TCF7L2: variants seen among roughly 807,000 people sequenced by gnomAD.
The protein encoded by TCF7L2 is transcription factor 7-like 2.
A neutral mutation model predicts 77.9 loss-of-function variants in TCF7L2; 23 were observed. The observed-to-expected ratio is 0.30, with a 90% CI of 0.21 to 0.42. The LOEUF (loss-of-function observed/expected upper bound fraction) is 0.42, where lower values mean the gene tolerates loss of function less well. TCF7L2 is among the 10% of genes least tolerant of loss of function. The pLI, the probability that TCF7L2 is intolerant of heterozygous loss-of-function variation, is 1.00. For synonymous variants in TCF7L2, 413 were observed against 340.2 expected (o/e 1.21, Z -2.36); for missense variants, 654 against 793.1 (o/e 0.82, Z 2.11).
chr10:112,953,285 G>A (rs998991448), intron 3 of TCF7L2, among the ~76,000 whole-genome samples: 6 of 152,154 alleles, frequency 3.9e-5, no homozygotes, highest in African/African-American at 1.4e-4. Context: ...TGCTTGGGAA[G>A]CTGGGAGAGC....
At chr10:113,066,365 C>CAAA (rs34941771) in intron 5 of TCF7L2, among the ~76,000 whole-genome samples, 3 of 118,158 alleles carry the variant, frequency 2.5e-5, no homozygotes, top group Non-Finnish European at 5.5e-5. Flanking sequence ...AAGTCCGTCT[C>CAAA]AAAAAAAAAA....
chr10:113,087,239 T>C (rs2059929168), intron 5 of TCF7L2, among the ~76,000 whole-genome samples: 1 of 152,184 alleles, frequency 6.6e-6, no homozygotes, highest in Non-Finnish European at 1.5e-5. Flanking sequence ...GTAAAGGCCA[T>C]GAGGAAATGC....
chr10:113,041,557 GA>G, intron 5 of TCF7L2, among the ~76,000 whole-genome samples: 1 of 152,288 alleles, frequency 6.6e-6, no homozygotes, highest in South Asian at 2.1e-4. Context: ...TACAGGAGGT[GA>G]AAATAACTGC....
intron 5 of TCF7L2, among the ~76,000 whole-genome samples, chr10:113,065,958 G>A (rs1416717916): frequency 1.3e-5 from 2 of 152,174 alleles, no homozygotes; most frequent in Non-Finnish European, 2.9e-5. Flanking sequence ...TATTTGGTTT[G>A]TGTCCGTGCA....
Position 113,052,631 on chromosome 10 carries a change from T to C in TCF7L2, c.552+12505T>C, listed in dbSNP as rs145268919. On this transcript the variant is annotated intron_variant, in intron 5 of 13. Transcript: ENST00000627217. ...CTGGACTGTGGCTCAGCTGGCCTGA[T>C]GTATCCCACTTTGTTCCTCCCATGG... Among the ~76,000 whole-genome samples the C allele has an allele frequency of 2.8e-3, 424 of 152,362 alleles. 7 individuals are homozygous for C. Among genetic ancestry groups the C allele is most frequent in the Admixed American group, 8.9e-3 (136 of 15,304 alleles).
At chr10:112,969,691 G>A (rs961492090) in intron 4 of TCF7L2, among the ~76,000 whole-genome samples, 2 of 152,160 alleles carry the variant, frequency 1.3e-5, no homozygotes, top group African/African-American at 4.8e-5. Context: ...CCCAAGCTCC[G>A]GTGCAGGCCC....
intron 4 of TCF7L2, among the ~76,000 whole-genome samples, chr10:113,011,864 TATTGCTACCTTGAGTATTGCTGTTGAGC>T (rs1564782103): frequency 1.3e-5 from 2 of 151,984 alleles, no homozygotes; most frequent in African/African-American, 4.8e-5. Context: ...TGTTCTTGAG[TATTGCTACCTTGAGTATTGCTGTTGAGC>T]ATTACTACCT....
intron 4 of TCF7L2, among the ~76,000 whole-genome samples, chr10:112,969,281 CTG>C (rs1352219268): frequency 6.6e-6 from 1 of 152,154 alleles, no homozygotes; most frequent in Non-Finnish European, 1.5e-5. Flanking sequence ...CAGCATATGT[CTG>C]TGAGTTTCAT....
At position 113,144,100 on chromosome 10, in the gene TCF7L2, CTGTGTGTG is replaced by C. The variant is rs3830991; in HGVS notation, c.788+105_788+112del. On this transcript the variant is annotated intron_variant, in intron 7 of 13. Transcript: ENST00000627217. ...TTTATTATTTATTCTGTGTGTGTGT[CTGTGTGTG>C]TGTGTGTGTGTGTGTGTGTGTGTGT... The C allele has an allele frequency of 0.061, 39,321 of 649,590 alleles. 527 individuals are homozygous for C. The highest frequency in any genetic ancestry group is 0.07 in the South Asian group (2,843 of 40,520). 40.2% of individuals were successfully genotyped at this position (649,590 alleles called of 1,614,324 possible).
In TCF7L2 at chr10:113,117,395, CT is replaced by C. The variant is rs1267461779; in HGVS notation, c.553-23788del. Among the ~76,000 whole-genome samples the C allele has an allele frequency of 7.9e-3, 224 of 28,524 alleles. 6 individuals are homozygous for C. Among genetic ancestry groups the C allele is most frequent in the Admixed American group, 0.012 (40 of 3,268 alleles). 18.7% of individuals were successfully genotyped at this position (28,524 alleles called of 152,430 possible). A position where few individuals can be genotyped will look rare whatever the true frequency, so the allele number is the denominator to read the frequency against. ...TCTCTCTCTCTCTCTCTCTCTCTCT[CT>C]CTCTCTCTCTCTCTCTCTCTCTCTC... On this transcript the variant is annotated intron_variant, in intron 5 of 13. Coordinates refer to ENST00000627217, the MANE Select transcript of TCF7L2 (RefSeq NM_001146274.2).
intron 5 of TCF7L2, among the ~76,000 whole-genome samples, chr10:113,049,298 C>G (rs1056030378): frequency 1.3e-5 from 2 of 152,036 alleles, no homozygotes; most frequent in Admixed American, 6.5e-5. Flanking sequence ...CACTCTCTCC[C>G]CAGCTCCAAA....
chr10:113,013,507 A>G (rs866184847), intron 4 of TCF7L2, among the ~76,000 whole-genome samples: 1 of 152,246 alleles, frequency 6.6e-6, no homozygotes, highest in Non-Finnish European at 1.5e-5. Context: ...GAGGTAAGAC[A>G]TTGGTTTGGC....
intron 4 of TCF7L2, among the ~76,000 whole-genome samples, chr10:113,015,557 C>T (rs964852966): frequency 6.6e-6 from 1 of 150,594 alleles, no homozygotes; most frequent in Non-Finnish European, 1.5e-5. Flanking sequence ...CAGCCTCAAA[C>T]ACCTGGGCTC....
At chr10:113,024,352 T>G (rs936144553) in intron 4 of TCF7L2, among the ~76,000 whole-genome samples, 6 of 152,096 alleles carry the variant, frequency 3.9e-5, no homozygotes, top group Non-Finnish European at 4.4e-5. Flanking sequence ...CTTCTTTTTT[T>G]GCTTGCTTAT....
chr10:113,123,660 T>C (rs1396797708), intron 5 of TCF7L2, among the ~76,000 whole-genome samples: 2 of 152,346 alleles, frequency 1.3e-5, no homozygotes, highest in East Asian at 3.9e-4. Context: ...TAAAGTGGCA[T>C]TGGGAATATA....
At chr10:113,049,524 T>C (rs1044646582) in intron 5 of TCF7L2, among the ~76,000 whole-genome samples, 9 of 151,864 alleles carry the variant, frequency 5.9e-5, no homozygotes, top group Non-Finnish European at 8.8e-5. Context: ...ACCACTGGAG[T>C]CCAGTGCCAT....
In TCF7L2 at chr10:113,141,222, C is replaced by T. The variant is rs1166029907; in HGVS notation, c.591C>T (p.Val197=). The change falls in exon 6 of 14, where the codon GTC becomes GTT. Residue 197 remains valine, a synonymous_variant. Transcript: ENST00000627217. ...CAGTGGTGCAGCACCCTCACCATGT[C>T]CACCCCCTCACGCCTCTTATCACGT... is the stretch of plus-strand genomic sequence containing the variant. 4 of 1,614,042 alleles carry T rather than the reference C, an allele frequency of 2.5e-6. No individual in the cohort carries two copies. Among genetic ancestry groups the T allele is most frequent in the African/African-American group, 2.7e-5 (2 of 74,896 alleles).
intron 12 of TCF7L2, 34 bp downstream of exon 12, chr10:113,158,103 T>C: frequency 6.3e-7 from 1 of 1,575,134 alleles, no homozygotes; most frequent in Non-Finnish European, 8.6e-7. Flanking sequence ...AGGAAGGAGC[T>C]GTAGCCTGAG....
Position 113,006,497 on chromosome 10 carries a change from C to T in TCF7L2, c.451-33528C>T, listed in dbSNP as rs1227315644. ...GAGGTATAAATTACAGCAAAGTGCGCAGACCTAGGTATCTAGGACTGTGAG... is the reference window on the plus strand; with the variant it reads ...GAGGTATAAATTACAGCAAAGTGCGTAGACCTAGGTATCTAGGACTGTGAG... On this transcript the variant is annotated intron_variant, in intron 4 of 13. Coordinates refer to ENST00000627217, the MANE Select transcript of TCF7L2 (RefSeq NM_001146274.2). Among the ~76,000 whole-genome samples the T allele has an allele frequency of 1.3e-5, 2 of 152,134 alleles. 1 individual carries two copies. Among genetic ancestry groups the T allele is most frequent in the Non-Finnish European group, 2.9e-5 (2 of 68,038 alleles).
Sources: allele counts gnomAD v4.1 joint callset (sites outside exome capture counted in the v4.1 genomes callset), GRCh38; gene constraint gnomAD v4.1.1; transcripts MANE v1.5; gene names NCBI Gene and HGNC (gene_info 2026-07-23, HGNC 2026-07-21).